The following HOMER2 variants were observed in gnomAD, a reference collection of about 807,000 sequenced individuals.
HOMER2 encodes the protein homer scaffold protein 2, also known as homer protein homolog 2.
HOMER2 carries 27 observed loss-of-function variants against 47.0 expected under a neutral mutation model. That is an observed-to-expected ratio of 0.57 (90% CI 0.42 to 0.79). The LOEUF is 0.79. Ranked by LOEUF, HOMER2 falls within the 30% of genes least tolerant of loss-of-function variation. The pLI is 0.00. For synonymous variants in HOMER2, 161 were observed against 163.8 expected (o/e 0.98, Z 0.13); for missense variants, 443 against 435.0 (o/e 1.02, Z -0.16).
chr15:82,943,365 G>C (rs575755324), intron 1 of HOMER2, among the ~76,000 whole-genome samples: 1 of 152,272 alleles, frequency 6.6e-6, no homozygotes, highest in East Asian at 1.9e-4. Flanking sequence ...AGCTGAGACA[G>C]CTGAGTCTAC....
At chr15:82,853,711 C>T (rs986632684) in intron 6 of HOMER2, among the ~76,000 whole-genome samples, 4 of 152,056 alleles carry the variant, frequency 2.6e-5, no homozygotes, top group Non-Finnish European at 5.9e-5. Context: ...TCTGGCCACC[C>T]CAAAAGCACC....
At position 82,913,380 on chromosome 15, in the gene HOMER2, G is replaced by A. The variant is rs1419621933; in HGVS notation, c.6-20539C>T. Among the ~76,000 whole-genome samples, 3 of 151,988 alleles carry A rather than the reference G, an allele frequency of 2.0e-5. No homozygotes were observed. Among genetic ancestry groups the A allele is most frequent in the Admixed American group, 6.6e-5 (1 of 15,240 alleles). ...CATCTTGAAGAAGCCTGAGCTACAC[G>A]GAGAGGGTAGCTCCAGATCCTTCTA... On this transcript the variant is annotated intron_variant, in intron 1 of 8. Coordinates refer to ENST00000450735, the MANE Select transcript of HOMER2 (RefSeq NM_004839.4). The surrounding 1 kb of genome is among the most constrained non-coding windows in gnomAD (Gnocchi z 4.1).
chr15:82,903,267 T>C (rs2053184071), intron 1 of HOMER2, among the ~76,000 whole-genome samples: 1 of 152,060 alleles, frequency 6.6e-6, no homozygotes, highest in African/African-American at 2.4e-5. Flanking sequence ...GTCGGGAGCA[T>C]TTCCAGTTTC....
intron 1 of HOMER2, among the ~76,000 whole-genome samples, chr15:82,951,669 C>A (rs916038293): frequency 6.6e-6 from 1 of 152,256 alleles, no homozygotes; most frequent in East Asian, 1.9e-4. Context: ...CAGGCAGTGG[C>A]AAGGCCACCC....
chr15:82,930,920 G>C lies in HOMER2; in HGVS notation c.5+21611C>G, dbSNP rs540704869. On this transcript the variant is annotated intron_variant, in intron 1 of 8. Coordinates refer to ENST00000450735, the MANE Select transcript of HOMER2 (RefSeq NM_004839.4). ...GGGCACCTGTAATCCCAGCTACTTG[G>C]GGGGGCTGAGGCAGGAGACTCACTT... Among the ~76,000 whole-genome samples the C allele has an allele frequency of 1.7e-3, 235 of 134,850 alleles. 1 individual carries two copies. The highest frequency in any genetic ancestry group is 7.2e-3 in the African/African-American group (215 of 29,946). 88.5% of individuals were successfully genotyped at this position (134,850 alleles called of 152,430 possible).
rs1453193520 is a variant in HOMER2 at position 82,868,523 on chromosome 15, T to TTTTATATATATATATATATATATA, written c.295-4265_295-4264insTATATATATATATATATATATAAA. 3.5e-4 allele frequency among the ~76,000 whole-genome samples: 13 copies of TTTTATATATATATATATATATATA among 36,634 alleles called. 3 individuals are homozygous for TTTTATATATATATATATATATATA. The highest frequency in any genetic ancestry group is 1.8e-3 in the South Asian group (1 of 556). The allele number at this position is 36,634 out of a possible 152,430, so 24.0% of individuals were successfully genotyped here. A position where few individuals can be genotyped will look rare whatever the true frequency, so the allele number is the denominator to read the frequency against. Reference sequence around the variant, plus strand: ...AAGTTATATATATCACTTATTTATTTTATATATATATATATATATTTTTTT... The same window carrying TTTTATATATATATATATATATATA: ...AAGTTATATATATCACTTATTTATTTTTTATATATATATATATATATATATATATATATATATATATATTTTTTT... On this transcript the variant is annotated intron_variant, in intron 3 of 8. Coordinates refer to ENST00000450735, the MANE Select transcript of HOMER2 (RefSeq NM_004839.4).
At chr15:82,912,149 G>A (rs975902712) in intron 1 of HOMER2, among the ~76,000 whole-genome samples, 1 of 152,098 alleles carries the variant, frequency 6.6e-6, no homozygotes, top group Admixed American at 6.5e-5. Flanking sequence ...CAATTCAGTG[G>A]CTTTTTATTC....
upstream of HOMER2, among the ~76,000 whole-genome samples, chr15:82,957,600 A>G (rs965410921): frequency 3.9e-5 from 6 of 152,184 alleles, no homozygotes; most frequent in Non-Finnish European, 7.4e-5. Context: ...ACCCCTCTAC[A>G]GGGCACCTAA....
chr15:82,979,514 G>C (rs887020995), intron 1 of HOMER2, among the ~76,000 whole-genome samples: 1 of 152,144 alleles, frequency 6.6e-6, no homozygotes, highest in African/African-American at 2.4e-5. Context: ...GGTCTGGAGG[G>C]GAGCAAGGCT....
chr15:82,985,348 T>C (rs1259798388), intron 1 of HOMER2, among the ~76,000 whole-genome samples: 2 of 152,284 alleles, frequency 1.3e-5, no homozygotes, highest in East Asian at 3.9e-4. Context: ...ATATGTAAGA[T>C]AGGCTAGTAG....
At chr15:82,845,237 C>T (rs1230621166), downstream of HOMER2, 1 of 151,312 alleles carries the variant, frequency 6.6e-6, no homozygotes, top group African/African-American at 2.4e-5. Context: ...CACACACACA[C>T]ACACACACAC....
At chr15:82,844,268 G>C (rs193136739), downstream of HOMER2, 1 of 151,724 alleles carries the variant, frequency 6.6e-6, no homozygotes, top group African/African-American at 2.4e-5. Context: ...GCGTACTTTT[G>C]AGCCAGTGAT....
chr15:82,956,012 G>T (rs1242161556), upstream of HOMER2, among the ~76,000 whole-genome samples: 1 of 152,088 alleles, frequency 6.6e-6, no homozygotes, highest in South Asian at 2.1e-4. Flanking sequence ...GGCCAAGGCA[G>T]GCAGATCACT....
At chr15:82,899,803 A>G (rs2053051688) in intron 1 of HOMER2, among the ~76,000 whole-genome samples, 1 of 152,168 alleles carries the variant, frequency 6.6e-6, no homozygotes, top group African/African-American at 2.4e-5. Flanking sequence ...TGGGCGGATC[A>G]CTTGAGGTCA....
intron 3 of HOMER2, among the ~76,000 whole-genome samples, chr15:82,870,914 A>G (rs1045532603): frequency 5.2e-5 from 8 of 152,388 alleles, no homozygotes; most frequent in East Asian, 3.9e-4. Context: ...CCTGTAATGA[A>G]TAAGATGGAA....
exon 2 of HOMER2, chr15:82,839,103 A>AG (rs1364591271): frequency 2.6e-5 from 4 of 151,812 alleles, no homozygotes; most frequent in Admixed American, 6.6e-5. Context: ...TACAGAAAAA[A>AG]AAAACCAAAA....
intron 1 of HOMER2, among the ~76,000 whole-genome samples, chr15:82,900,998 C>T (rs1476362342): frequency 6.6e-6 from 1 of 152,204 alleles, no homozygotes; most frequent in Non-Finnish European, 1.5e-5. Context: ...TGAATGCTGA[C>T]AGGCTTTATT....
At chr15:82,948,316 G>A (rs1250811413) in intron 1 of HOMER2, among the ~76,000 whole-genome samples, 2 of 151,614 alleles carry the variant, frequency 1.3e-5, no homozygotes, top group Admixed American at 6.6e-5. Flanking sequence ...GCGTGAACCC[G>A]GGAGGCGGAG....
At position 82,984,761 on chromosome 15, in the gene HOMER2, T is replaced by A. The variant is rs2030531899; in HGVS notation, n.82+1026A>T. ...AGCCCAGGAAGTCGAGGCTGCAGTA[T>A]GCCATGACCACGTCACTGCACTCCA... On this transcript the variant is annotated intron_variant and non_coding_transcript_variant, in intron 1 of 1. Transcript: ENST00000500334. 3.3e-5 allele frequency among the ~76,000 whole-genome samples: 5 copies of A among 152,116 alleles called. No individual in the cohort carries two copies. In the South Asian group the frequency reaches 1.0e-3, roughly 32 times the overall value.
Sources: gnomAD v4.1 joint callset for allele counts (sites outside exome capture counted in the v4.1 genomes callset) on GRCh38, gnomAD v4.1.1 for gene constraint, Gnocchi (gnomAD v3.1) non-coding constraint, MANE v1.5 for transcripts, NCBI Gene and HGNC (gene_info 2026-07-23, HGNC 2026-07-21) for gene names.